ALK: variants seen among roughly 807,000 people sequenced by gnomAD.
ALK encodes ALK tyrosine kinase receptor.
In ALK, 74 loss-of-function variants were observed where a neutral mutation model predicts 163.1. The ratio of observed to expected loss-of-function variants is 0.45; its 90% CI spans 0.38 to 0.55. The LOEUF is 0.55. ALK is among the 20% of genes least tolerant of loss of function. The pLI is 0.00. For synonymous variants in ALK, 960 were observed against 843.2 expected (o/e 1.14, Z -2.40); for missense variants, 2,063 against 2,105.3 (o/e 0.98, Z 0.39).
chr2:29,222,425 A>C lies in ALK; in HGVS notation c.3451-17T>G, dbSNP rs771436051. Reference sequence around the variant, plus strand: ...AGGCAGCGTCTGGGCAGAGAAGGGGAGGGTGGGGAGGAGGAGGAGGCTGTG... The same window carrying C: ...AGGCAGCGTCTGGGCAGAGAAGGGGCGGGTGGGGAGGAGGAGGAGGCTGTG... On this transcript the variant is annotated splice_polypyrimidine_tract_variant and intron_variant, in intron 21 of 28. Coordinates refer to ENST00000389048, the MANE Select transcript of ALK (RefSeq NM_004304.5). 8 of 1,590,952 alleles carry C rather than the reference A, an allele frequency of 5.0e-6. No individual in the cohort carries two copies. Among genetic ancestry groups the C allele is most frequent in the Non-Finnish European group, 6.0e-6 (7 of 1,160,338 alleles).
intron 2 of ALK, among the ~76,000 whole-genome samples, chr2:29,709,876 T>C (rs1327939359): frequency 6.6e-6 from 1 of 152,226 alleles, no homozygotes; most frequent in Non-Finnish European, 1.5e-5. Flanking sequence ...ACAGAACTGA[T>C]TGGAATGTTG....
At chr2:29,407,754 G>A (rs2148319823) in intron 4 of ALK, among the ~76,000 whole-genome samples, 1 of 152,282 alleles carries the variant, frequency 6.6e-6, no homozygotes, top group South Asian at 2.1e-4. Context: ...CTTCCATTCA[G>A]AGCTTCCCAG....
chr2:29,739,363 T>C lies in ALK; in HGVS notation c.668-21666A>G, dbSNP rs567623762. On this transcript the variant is annotated intron_variant, in intron 1 of 28. Coordinates refer to ENST00000389048, the MANE Select transcript of ALK (RefSeq NM_004304.5). Reference sequence around the variant, plus strand: ...TCACAAGGCCAAGAAATTGAGACCATCCTGGCCAACTTTGTGAAACACCGT... The same window carrying C: ...TCACAAGGCCAAGAAATTGAGACCACCCTGGCCAACTTTGTGAAACACCGT... Among the ~76,000 whole-genome samples the C allele has an allele frequency of 1.4e-4, 20 of 145,198 alleles. 2 individuals are homozygous for C. The highest frequency in any genetic ancestry group is 4.3e-4 in the African/African-American group (17 of 39,394).
intron 1 of ALK, among the ~76,000 whole-genome samples, chr2:29,878,150 T>C (rs11675197): frequency 0.15 from 22,394 of 152,202 alleles, 1,859 homozygotes; most frequent in Non-Finnish European, 0.18. Context: ...AGTACACAGC[T>C]TTTTGTTTAG....
At chr2:29,711,065 C>A (rs1440624663) in intron 2 of ALK, among the ~76,000 whole-genome samples, 3 of 152,204 alleles carry the variant, frequency 2.0e-5, no homozygotes, top group African/African-American at 7.2e-5. Context: ...AAGGTGGATT[C>A]TCCTGAATAG....
In ALK at chr2:29,305,274, G is replaced by A. The variant is rs189236463; in HGVS notation, c.1648-8217C>T. ...AGGGCCTTCTTGGGGCTGTTACATC[G>A]CCTCTAGAAAAAGACTGAGAATAAC... On this transcript the variant is annotated intron_variant, in intron 8 of 28. Transcript: ENST00000389048. Among the ~76,000 whole-genome samples the A allele has an allele frequency of 2.4e-4, 36 of 152,284 alleles. 1 individual carries two copies. The East Asian group carries it at 6.7e-3, about 29-fold the overall frequency.
In ALK at chr2:29,245,057, A is replaced by T. The variant is rs114543225; in HGVS notation, c.2205-5227T>A. Among the ~76,000 whole-genome samples the T allele has an allele frequency of 5.6e-3, 843 of 151,322 alleles. 6 individuals carry two copies. Among genetic ancestry groups the T allele is most frequent in the African/African-American group, 0.019 (800 of 41,122 alleles). On this transcript the variant is annotated intron_variant, in intron 12 of 28. Transcript: ENST00000389048. ...CTCCATGGGACAGTGCCCTTCACAC[A>T]GTTGGGGCTGTATGGCTCACTGCCC...
chr2:29,194,297 TAAAAA>T (rs1056544619), intron 28 of ALK, among the ~76,000 whole-genome samples: 1 of 149,618 alleles, frequency 6.7e-6, no homozygotes, highest in South Asian at 2.1e-4. Flanking sequence ...CTGGAAAAAA[TAAAAA>T]TAAAAGCCTA....
chr2:29,638,493 C>A (rs191677966), intron 3 of ALK, among the ~76,000 whole-genome samples: 1 of 131,842 alleles, frequency 7.6e-6, no homozygotes, highest in Non-Finnish European at 1.5e-5. Context: ...TGGCAATGAC[C>A]ACAGGGCAAG....
chr2:29,617,713 C>T (rs765020659), intron 3 of ALK, among the ~76,000 whole-genome samples: 1 of 152,186 alleles, frequency 6.6e-6, no homozygotes, highest in African/African-American at 2.4e-5. Context: ...CTTGCTGTAT[C>T]GGGAGCACTA....
In ALK at chr2:29,703,020, T is replaced by C. The variant is rs377415688; in HGVS notation, c.788-8006A>G. Among the ~76,000 whole-genome samples, 8 of 152,288 alleles carry C rather than the reference T, an allele frequency of 5.3e-5. No homozygotes were observed. In the East Asian group the frequency reaches 1.5e-3, roughly 29 times the overall value. ...CCCAGTTTAGAAAACTGAGGGTGGG[T>C]GGGCAAAGTTTCTGTGGCCATCAGG... On this transcript the variant is annotated intron_variant, in intron 2 of 28. Coordinates refer to ENST00000389048, the MANE Select transcript of ALK (RefSeq NM_004304.5).
intron 4 of ALK, among the ~76,000 whole-genome samples, chr2:29,432,018 A>G (rs926417062): frequency 2.6e-5 from 4 of 151,918 alleles, no homozygotes; most frequent in Non-Finnish European, 5.9e-5. Context: ...GAGGGAGTGT[A>G]TCCTAGCACA....
intron 3 of ALK, among the ~76,000 whole-genome samples, chr2:29,577,232 G>T (rs1464203287): frequency 6.6e-6 from 1 of 152,146 alleles, no homozygotes; most frequent in Admixed American, 6.5e-5. Flanking sequence ...TTTGGGTTCA[G>T]ATCTTTGGCC....
At chr2:29,750,683 G>C (rs1680335646) in intron 1 of ALK, among the ~76,000 whole-genome samples, 1 of 144,388 alleles carries the variant, frequency 6.9e-6, no homozygotes, top group Non-Finnish European at 1.5e-5. Flanking sequence ...AAGGAAGGAA[G>C]GAAGGAAGGA....
At chr2:29,403,697 G>C (rs1346067228) in intron 4 of ALK, among the ~76,000 whole-genome samples, 10 of 96,842 alleles carry the variant, frequency 1.0e-4, no homozygotes, top group Admixed American at 3.4e-4. Context: ...GCAACAGTGA[G>C]ACAGGTCTCT....
intron 1 of ALK, among the ~76,000 whole-genome samples, chr2:29,759,650 A>G (rs1231152059): frequency 6.6e-6 from 1 of 152,162 alleles, no homozygotes; most frequent in Non-Finnish European, 1.5e-5. Flanking sequence ...CACAAGAGAG[A>G]TGTCCATGAT....
intron 9 of ALK, among the ~76,000 whole-genome samples, chr2:29,285,464 G>A (rs775753835): frequency 2.0e-5 from 3 of 151,944 alleles, no homozygotes; most frequent in Non-Finnish European, 4.4e-5. Flanking sequence ...TTGGCCAGGA[G>A]CCAACATATG....
chr2:29,270,752 G>A (rs561815241), intron 11 of ALK, among the ~76,000 whole-genome samples: 2 of 152,146 alleles, frequency 1.3e-5, no homozygotes, highest in East Asian at 1.9e-4. Context: ...CCTGGATTGC[G>A]TCTGTAACTG....
At chr2:29,747,721 A>C (rs1468312732) in intron 1 of ALK, among the ~76,000 whole-genome samples, 1 of 152,214 alleles carries the variant, frequency 6.6e-6, no homozygotes, top group Non-Finnish European at 1.5e-5. Context: ...AAGAGAAACA[A>C]GTCAGTAATT....
Sources: gnomAD v4.1 joint callset for allele counts (sites outside exome capture counted in the v4.1 genomes callset) on GRCh38, gnomAD v4.1.1 for gene constraint, MANE v1.5 for transcripts, NCBI Gene and HGNC (gene_info 2026-07-23, HGNC 2026-07-21) for gene names.